The following STX8 variants were observed in gnomAD, a reference collection of about 807,000 sequenced individuals.
STX8 encodes syntaxin 8.
STX8 carries 23 observed loss-of-function variants against 37.5 expected under a neutral mutation model. The ratio of observed to expected loss-of-function variants is 0.61; its 90% CI spans 0.44 to 0.87. The LOEUF (loss-of-function observed/expected upper bound fraction) is 0.87, where lower values mean the gene tolerates loss of function less well. Ranked by LOEUF, STX8 falls within the 40% of genes least tolerant of loss-of-function variation. STX8 has a pLI of 0.00. For synonymous variants in STX8, 115 were observed against 99.1 expected (o/e 1.16, Z -0.95); for missense variants, 313 against 284.7 (o/e 1.10, Z -0.71).
intron 7 of STX8, among the ~76,000 whole-genome samples, chr17:9,256,509 C>A (rs776684963): frequency 6.6e-6 from 1 of 152,252 alleles, no homozygotes; most frequent in Non-Finnish European, 1.5e-5. Context: ...TCGCAAGGAT[C>A]CATTCATGGC....
intron 7 of STX8, among the ~76,000 whole-genome samples, chr17:9,272,696 T>A (rs1907512805): frequency 6.6e-6 from 1 of 152,260 alleles, no homozygotes; most frequent in Admixed American, 6.5e-5. Context: ...GAATGTCTAA[T>A]GATTAGTTCC....
At position 9,431,764 on chromosome 17, in the gene STX8, C is replaced by T. The variant is rs937145073; in HGVS notation, c.542-53111G>A. Among the ~76,000 whole-genome samples, 8 of 152,332 alleles carry T rather than the reference C, an allele frequency of 5.3e-5. No individual in the cohort carries two copies. In the East Asian group the frequency reaches 1.2e-3, roughly 22 times the overall value. On this transcript the variant is annotated intron_variant, in intron 6 of 7. Transcript: ENST00000306357. ...AACAACATAGTGCCAAACGTTCTGA[C>T]ATTAACATCATGGTGTTAAGACCAC...
chr17:9,401,801 T>G (rs372433941), intron 6 of STX8, among the ~76,000 whole-genome samples: 1 of 152,218 alleles, frequency 6.6e-6, no homozygotes, highest in African/African-American at 2.4e-5. Flanking sequence ...AAAGCCAAAG[T>G]TAACCATGTA....
chr17:9,423,713 C>T (rs1225795926), intron 6 of STX8, among the ~76,000 whole-genome samples: 1 of 152,172 alleles, frequency 6.6e-6, no homozygotes, highest in African/African-American at 2.4e-5. Flanking sequence ...CTTTCAATTA[C>T]TTTATTTTCT....
chr17:9,545,489 C>G (rs1906468147), intron 3 of STX8, among the ~76,000 whole-genome samples: 1 of 152,210 alleles, frequency 6.6e-6, no homozygotes, highest in Non-Finnish European at 1.5e-5. Context: ...AGGACCATCG[C>G]AGAGGCACTT....
chr17:9,381,557 A>G (rs766554422), intron 6 of STX8, among the ~76,000 whole-genome samples: 1 of 152,224 alleles, frequency 6.6e-6, no homozygotes, highest in Non-Finnish European at 1.5e-5. Context: ...GTTATATTCT[A>G]TCGATTTGTT....
intron 7 of STX8, among the ~76,000 whole-genome samples, chr17:9,301,977 G>A (rs1908805010): frequency 6.6e-6 from 1 of 152,040 alleles, no homozygotes; most frequent in Non-Finnish European, 1.5e-5. Context: ...CTTCTTTTCT[G>A]TATTCTGAAA....
intron 7 of STX8, among the ~76,000 whole-genome samples, chr17:9,250,944 G>A (rs965277546): frequency 5.3e-5 from 8 of 152,120 alleles, no homozygotes; most frequent in Non-Finnish European, 1.0e-4. Flanking sequence ...TGGACCACAA[G>A]GGAGGGCGCA....
intron 7 of STX8, among the ~76,000 whole-genome samples, chr17:9,301,521 C>G (rs1033997809): frequency 4.6e-5 from 7 of 151,674 alleles, no homozygotes; most frequent in Non-Finnish European, 8.8e-5. Flanking sequence ...CTCACTCTGT[C>G]GCCCAGGCTG....
chr17:9,329,050 CAAAAAAA>C (rs998679728), intron 7 of STX8, among the ~76,000 whole-genome samples: 3,777 of 28,002 alleles, frequency 0.13, 180 homozygotes, highest in African/African-American at 0.26. Flanking sequence ...GATTCCATCT[CAAAAAAA>C]AAAAAAAAAA....
At chr17:9,343,343 C>T (rs866431791) in intron 7 of STX8, among the ~76,000 whole-genome samples, 20 of 152,254 alleles carry the variant, frequency 1.3e-4, no homozygotes, top group African/African-American at 4.3e-4. Context: ...TAGAACTGTT[C>T]TCTCTACTGC....
chr17:9,523,988 T>C (rs1905463050), intron 4 of STX8, among the ~76,000 whole-genome samples: 1 of 152,358 alleles, frequency 6.6e-6, no homozygotes, highest in South Asian at 2.1e-4. Context: ...TACTGTTTAT[T>C]ATACCAATTC....
chr17:9,563,800 T>A (rs556172907), intron 2 of STX8, among the ~76,000 whole-genome samples: 122 of 151,110 alleles, frequency 8.1e-4, no homozygotes, highest in Admixed American at 1.3e-3. Flanking sequence ...AAGGATAACA[T>A]AAGACAGAAA....
intron 6 of STX8, among the ~76,000 whole-genome samples, chr17:9,452,026 A>C (rs1218319983): frequency 6.6e-6 from 1 of 152,228 alleles, no homozygotes; most frequent in Non-Finnish European, 1.5e-5. Flanking sequence ...GAATTGTCCT[A>C]CTGGAGTCAA....
intron 6 of STX8, among the ~76,000 whole-genome samples, chr17:9,476,419 T>C (rs1450055948): frequency 1.3e-5 from 2 of 152,092 alleles, no homozygotes; most frequent in Admixed American, 6.6e-5. Flanking sequence ...GTCCAAGGTA[T>C]AGATGTGAGC....
chr17:9,297,262 AAAAAAG>A (rs1447297527), intron 7 of STX8, among the ~76,000 whole-genome samples: 1 of 152,006 alleles, frequency 6.6e-6, no homozygotes, highest in Non-Finnish European at 1.5e-5. Flanking sequence ...AAAAAAGAAA[AAAAAAG>A]AAAAAGTGAA....
At chr17:9,508,215 G>C (rs1290438233) in intron 4 of STX8, among the ~76,000 whole-genome samples, 3 of 152,154 alleles carry the variant, frequency 2.0e-5, no homozygotes, top group Non-Finnish European at 4.4e-5. Context: ...TCAACAAGAA[G>C]ATAAATACCA....
chr17:9,451,557 C>A (rs536729424), intron 6 of STX8, among the ~76,000 whole-genome samples: 2 of 152,120 alleles, frequency 1.3e-5, no homozygotes, highest in Non-Finnish European at 1.5e-5. Flanking sequence ...AGTAAAAGTT[C>A]CTATTCCAAG....
chr17:9,252,737 A>G (rs6503190), intron 7 of STX8, among the ~76,000 whole-genome samples: 107,357 of 151,820 alleles, frequency 0.71, 38,664 homozygotes, highest in Non-Finnish European at 0.77. Flanking sequence ...TCTTTTGAGA[A>G]ACGCTTCTCT....
Sources: gnomAD v4.1 joint callset for allele counts (sites outside exome capture counted in the v4.1 genomes callset) on GRCh38, gnomAD v4.1.1 for gene constraint, MANE v1.5 for transcripts, NCBI Gene and HGNC (gene_info 2026-07-23, HGNC 2026-07-21) for gene names.